PTH1R: variants seen among roughly 807,000 people sequenced by gnomAD.
The protein encoded by PTH1R is parathyroid hormone 1 receptor.
PTH1R carries 32 observed loss-of-function variants against 70.7 expected under a neutral mutation model. That is an observed-to-expected ratio of 0.45 (90% CI 0.34 to 0.61). The LOEUF (loss-of-function observed/expected upper bound fraction) is 0.61, where lower values mean the gene tolerates loss of function less well. Among genes scored for constraint, PTH1R ranks in the 20% least tolerant of loss-of-function variants. PTH1R has a pLI of 0.01. For missense variants in PTH1R, 626 were observed against 792.5 expected (o/e 0.79, Z 2.52); for synonymous variants, 329 against 324.8 (o/e 1.01, Z -0.14).
chr3:46,884,841 C>T lies in PTH1R; in HGVS notation c.75+1207C>T, dbSNP rs188250740. ...TGTAAAAGAGAGGGCCTGGAAGAAA[C>T]ATCTGCCTGAGAATCCCATCATCAG... On this transcript the variant is annotated intron_variant, in intron 3 of 15. Coordinates refer to ENST00000449590, the MANE Select transcript of PTH1R (RefSeq NM_000316.3). This position sits in a 1 kb window ranked among gnomAD's most constrained non-coding sequence, Gnocchi z 4.8. 7.9e-5 allele frequency among the ~76,000 whole-genome samples: 12 copies of T among 152,318 alleles called. No individual in the cohort carries two copies. Among genetic ancestry groups the T allele is most frequent in the Admixed American group, 5.9e-4 (9 of 15,304 alleles).
intron 3 of PTH1R, among the ~76,000 whole-genome samples, chr3:46,887,892 C>A (rs2031141934): frequency 6.6e-6 from 1 of 152,164 alleles, no homozygotes; most frequent in African/African-American, 2.4e-5. Flanking sequence ...GTGCGTGATT[C>A]CAGATGGTGG....
At position 46,901,555 on chromosome 3, in the gene PTH1R, A is replaced by G; in HGVS notation, c.1116+75A>G. 1 of 1,520,734 alleles carries G rather than the reference A, an allele frequency of 6.6e-7. No individual in the cohort carries two copies. Among genetic ancestry groups the G allele is most frequent in the Middle Eastern group, 1.7e-4 (1 of 5,754 alleles). 94.2% of individuals were successfully genotyped at this position (1,520,734 alleles called of 1,614,324 possible). ...GCGTCCCCTGGAACCAGCCCCTGACAGGGACCTAGGAGGCTTCCCTGGACC... is the reference window on the plus strand; with the variant it reads ...GCGTCCCCTGGAACCAGCCCCTGACGGGGACCTAGGAGGCTTCCCTGGACC... On this transcript the variant is annotated intron_variant, in intron 12 of 15. Transcript: ENST00000449590. This position sits in a 1 kb window ranked among gnomAD's most constrained non-coding sequence, Gnocchi z 7.3.
intron 3 of PTH1R, among the ~76,000 whole-genome samples, chr3:46,886,301 G>C (rs970859663): frequency 6.6e-6 from 1 of 152,210 alleles, no homozygotes; most frequent in Non-Finnish European, 1.5e-5. Flanking sequence ...GGACTCACAG[G>C]CTGGGAGTGT....
At chr3:46,886,098 T>TGG (rs1428027752) in intron 3 of PTH1R, among the ~76,000 whole-genome samples, 3 of 152,000 alleles carry the variant, frequency 2.0e-5, no homozygotes, top group Non-Finnish European at 4.4e-5. Flanking sequence ...TTGGAGGAAG[T>TGG]GATAGACCCA....
intron 5 of PTH1R, among the ~76,000 whole-genome samples, chr3:46,897,012 G>C (rs190437549): frequency 6.6e-6 from 1 of 152,212 alleles, no homozygotes; most frequent in Non-Finnish European, 1.5e-5. Context: ...GGACACCTGC[G>C]TGAGGTCAGC....
In PTH1R at chr3:46,887,065, C is replaced by A. The variant is rs557080063; in HGVS notation, c.75+3431C>A. On this transcript the variant is annotated intron_variant, in intron 3 of 15. Transcript: ENST00000449590. ...ACCAGCCTGGCCAACATGGTGAAAC[C>A]CCCATCTCTACTAAGAATACAAAAA... Among the ~76,000 whole-genome samples, 6 of 151,886 alleles carry A rather than the reference C, an allele frequency of 4.0e-5. No homozygotes were observed. In the East Asian group the frequency reaches 7.7e-4, roughly 20 times the overall value.
In PTH1R at chr3:46,891,322, G is replaced by A. The variant is rs1014092553; in HGVS notation, c.76-2585G>A. On this transcript the variant is annotated intron_variant, in intron 3 of 15. Coordinates refer to ENST00000449590, the MANE Select transcript of PTH1R (RefSeq NM_000316.3). This position sits in a 1 kb window ranked among gnomAD's most constrained non-coding sequence, Gnocchi z 4.3. ...GAGGCTGAGCCAATTCCTTGAGCCA[G>A]TGAGGGGTGTGTTGGTCAGCTTTCG... 6.6e-6 allele frequency among the ~76,000 whole-genome samples: 1 copy of A among 152,262 alleles called. No homozygotes were observed. The highest frequency in any genetic ancestry group is 6.5e-5 in the Admixed American group (1 of 15,292).
At position 46,883,225 on chromosome 3, in the gene PTH1R, C is replaced by T. The variant is rs532443298; in HGVS notation, c.-48-287C>T. On this transcript the variant is annotated intron_variant, in intron 2 of 15. Coordinates refer to ENST00000449590, the MANE Select transcript of PTH1R (RefSeq NM_000316.3). The surrounding 1 kb of genome is among the most constrained non-coding windows in gnomAD (Gnocchi z 6.4). ...GGGGGGCGGGCCGGGGGCGGGGGGCCCGGCCATATGGATGTGATTTCTTCG... is the reference window on the plus strand; with the variant it reads ...GGGGGGCGGGCCGGGGGCGGGGGGCTCGGCCATATGGATGTGATTTCTTCG... 0.015 allele frequency: 3,331 copies of T among 220,790 alleles called. 46 individuals carry two copies. Among genetic ancestry groups the T allele is most frequent in the Non-Finnish European group, 0.02 (2,211 of 113,030 alleles). 13.7% of individuals were successfully genotyped at this position (220,790 alleles called of 1,614,324 possible).
rs2032155897 is a variant in PTH1R at position 46,901,971 on chromosome 3, G to A, written c.1211+111G>A. The A allele has an allele frequency of 3.3e-6, 4 of 1,201,788 alleles. No individual in the cohort carries two copies. In the East Asian group the frequency reaches 1.0e-4, roughly 30 times the overall value. 74.4% of individuals were successfully genotyped at this position (1,201,788 alleles called of 1,614,324 possible). A position where few individuals can be genotyped will look rare whatever the true frequency, so the allele number is the denominator to read the frequency against. On this transcript the variant is annotated intron_variant, in intron 13 of 15. Coordinates refer to ENST00000449590, the MANE Select transcript of PTH1R (RefSeq NM_000316.3). The surrounding 1 kb of genome is among the most constrained non-coding windows in gnomAD (Gnocchi z 7.3). Reference sequence around the variant, plus strand: ...ATGAATGATCCTGGGGCAAGGGAAAGGACCCAGCGTCTGACTCCCTGGCTG... The same window carrying A: ...ATGAATGATCCTGGGGCAAGGGAAAAGACCCAGCGTCTGACTCCCTGGCTG...
In PTH1R at chr3:46,882,666, A is replaced by G. The variant is rs772990413; in HGVS notation, c.-48-846A>G. Among the ~76,000 whole-genome samples the G allele has an allele frequency of 6.2e-4, 94 of 150,470 alleles. No homozygotes were observed. The highest frequency in any genetic ancestry group is 7.5e-4 in the Non-Finnish European group (51 of 67,572). On this transcript the variant is annotated intron_variant, in intron 2 of 15. Transcript: ENST00000449590. The surrounding 1 kb of genome is among the most constrained non-coding windows in gnomAD (Gnocchi z 4.3). ...CTTGCAAATGTTTTCGTAGAGAGAAAAGGGGGAGGGAGGGAGCGAGGGAGT... is the reference window on the plus strand; with the variant it reads ...CTTGCAAATGTTTTCGTAGAGAGAAGAGGGGGAGGGAGGGAGCGAGGGAGT...
At position 46,903,613 on chromosome 3, in the gene PTH1R, G is replaced by T. The variant is rs199993460; in HGVS notation, c.1739G>T (p.Arg580Leu). The part of the protein sequence containing the change: ...GLDEEASGPE[R>L]PPALLQEEWE... ...GACGAGGAGGCCTCTGGGCCTGAGCGGCCACCTGCCCTGCTACAGGAAGAG... is the reference window on the plus strand; with the variant it reads ...GACGAGGAGGCCTCTGGGCCTGAGCTGCCACCTGCCCTGCTACAGGAAGAG... The change falls in exon 16 of 16, where the codon CGG (arginine) becomes CTG (leucine). Residue 580 changes from arginine to leucine, a missense_variant. By Grantham distance (102) the Arg-to-Leu change is moderately radical. This residue lies in a region of PTH1R where 495 missense variants were observed against 638.7 expected (regional missense o/e 0.77). Transcript: ENST00000449590. The surrounding 1 kb of genome is among the most constrained non-coding windows in gnomAD (Gnocchi z 4.4). The T allele has an allele frequency of 6.2e-7, 1 of 1,612,916 alleles. No homozygotes were observed. The highest frequency in any genetic ancestry group is 8.5e-7 in the Non-Finnish European group (1 of 1,180,028).
In PTH1R at chr3:46,893,272, A is replaced by C. The variant is rs1002416237; in HGVS notation, c.76-635A>C. 6.6e-6 allele frequency among the ~76,000 whole-genome samples: 1 copy of C among 152,136 alleles called. No individual in the cohort carries two copies. The highest frequency in any genetic ancestry group is 2.4e-5 in the African/African-American group (1 of 41,416). On this transcript the variant is annotated intron_variant, in intron 3 of 15. Coordinates refer to ENST00000449590, the MANE Select transcript of PTH1R (RefSeq NM_000316.3). This position sits in a 1 kb window ranked among gnomAD's most constrained non-coding sequence, Gnocchi z 5.2. Reference sequence around the variant, plus strand: ...TGGAATGAGAGGGACTCCCACCCCCAGCCAGCACCAGAGTGCCCAGCCCAA... The same window carrying C: ...TGGAATGAGAGGGACTCCCACCCCCCGCCAGCACCAGAGTGCCCAGCCCAA...
rs1460384960 is a variant in PTH1R at position 46,902,369 on chromosome 3, A to G, written c.1212-157A>G. Among the ~76,000 whole-genome samples the G allele has an allele frequency of 6.6e-6, 1 of 152,200 alleles. No individual in the cohort carries two copies. The highest frequency in any genetic ancestry group is 1.5e-5 in the Non-Finnish European group (1 of 68,022). On this transcript the variant is annotated intron_variant, in intron 13 of 15. Coordinates refer to ENST00000449590, the MANE Select transcript of PTH1R (RefSeq NM_000316.3). The surrounding 1 kb of genome is among the most constrained non-coding windows in gnomAD (Gnocchi z 5.4). Reference sequence around the variant, plus strand: ...GGCCCTATTAGCACTTAGCCAGGACAGCAGCCATGCAGGTGAACTGGGTTG... The same window carrying G: ...GGCCCTATTAGCACTTAGCCAGGACGGCAGCCATGCAGGTGAACTGGGTTG...
At position 46,894,028 on chromosome 3, in the gene PTH1R, G is replaced by C. The variant is rs2031588035; in HGVS notation, c.178+19G>C. On this transcript the variant is annotated intron_variant, in intron 4 of 15. Transcript: ENST00000449590. Reference sequence around the variant, plus strand: ...AGGCCAGGTGGGGGTCAAAGGAAGAGGGTCTGGGGATGAGGTCAGGTGAGG... The same window carrying C: ...AGGCCAGGTGGGGGTCAAAGGAAGACGGTCTGGGGATGAGGTCAGGTGAGG... 2 of 1,612,800 alleles carry C rather than the reference G, an allele frequency of 1.2e-6. No homozygotes were observed. Among genetic ancestry groups the C allele is most frequent in the African/African-American group, 1.3e-5 (1 of 75,002 alleles).
At chr3:46,897,048 A>G (rs2031793455) in intron 5 of PTH1R, among the ~76,000 whole-genome samples, 1 of 152,230 alleles carries the variant, frequency 6.6e-6, no homozygotes, top group Admixed American at 6.5e-5. Context: ...AGCTGGCACT[A>G]GAAACCAGAC....
chr3:46,880,813 C>A (rs1030306850), intron 1 of PTH1R, among the ~76,000 whole-genome samples: 14 of 152,152 alleles, frequency 9.2e-5, no homozygotes, highest in African/African-American at 3.4e-4. Context: ...GGAGTGCAGT[C>A]TGGAAGCTGG....
chr3:46,894,495 A>T (rs2031620865), intron 4 of PTH1R, among the ~76,000 whole-genome samples: 1 of 152,130 alleles, frequency 6.6e-6, no homozygotes, highest in Admixed American at 6.5e-5. Context: ...CAGCCCCAAC[A>T]GTGGCTCCCA....
intron 5 of PTH1R, among the ~76,000 whole-genome samples, chr3:46,897,190 G>A (rs1044544999): frequency 5.9e-5 from 9 of 152,204 alleles, no homozygotes; most frequent in Non-Finnish European, 1.2e-4. Flanking sequence ...AGAGAAAGGC[G>A]AGAGGCCTGG....
intron 5 of PTH1R, among the ~76,000 whole-genome samples, chr3:46,897,075 A>G (rs551747025): frequency 2.0e-5 from 3 of 152,334 alleles, no homozygotes; most frequent in East Asian, 1.9e-4. Flanking sequence ...CCTCCTGTCC[A>G]TGATCCCAGG....
Sources: gnomAD v4.1 joint callset for allele counts (sites outside exome capture counted in the v4.1 genomes callset) on GRCh38, gnomAD v4.1.1 for gene constraint, gnomAD v4.1.1 regional missense constraint, Gnocchi (gnomAD v3.1) non-coding constraint, MANE v1.5 for transcripts, NCBI Gene and HGNC (gene_info 2026-07-23, HGNC 2026-07-21) for gene names.